The following MEF2D variants were observed in gnomAD, a reference collection of about 807,000 sequenced individuals.
MEF2D encodes myocyte enhancer factor 2D.
Under a neutral mutation model 59.3 loss-of-function variants are expected in MEF2D, and 10 were observed. The ratio of observed to expected loss-of-function variants is 0.17; its 90% CI spans 0.10 to 0.29. The LOEUF is 0.29. Among genes scored for constraint, MEF2D ranks in the 10% least tolerant of loss-of-function variants. The pLI is 1.00. For synonymous variants in MEF2D, 305 were observed against 295.0 expected, an observed-to-expected ratio of 1.03 and a Z score of -0.35; for missense variants, 508 against 699.4, an observed-to-expected ratio of 0.73 and a Z score of 3.09.
In MEF2D at chr1:156,463,953, AG is replaced by A. The variant is rs1410639942; in HGVS notation, c.*3691del. 6.6e-6 allele frequency: 1 copy of A among 152,670 alleles called. No individual in the cohort carries two copies. Among genetic ancestry groups the A allele is most frequent in the African/African-American group, 2.4e-5 (1 of 41,452 alleles). The allele number at this position is 152,670 out of a possible 1,614,324, so 9.5% of individuals were successfully genotyped here. On this transcript the variant is annotated 3_prime_UTR_variant, in exon 12 of 12. Transcript: ENST00000348159. ...CCCAGGACCCAGGAAGAGCCCCAGG[AG>A]TGTGGGTGATTGTCAGGTGTGGGGG...
In MEF2D at chr1:156,483,388, A is replaced by G; in HGVS notation, c.-96T>C. The stretch of plus-strand genomic sequence containing the variant: ...CTGTGCTCATGAACGGTCTGGGAAC[A>G]GTGCTCAGTTCATGGTCTGCAGGAT... On this transcript the variant is annotated 5_prime_UTR_variant, in exon 2 of 12. Transcript: ENST00000348159. The G allele has an allele frequency of 1.7e-6, 2 of 1,184,498 alleles. No individual in the cohort carries two copies. The highest frequency in any genetic ancestry group is 2.5e-6 in the Non-Finnish European group (2 of 791,994). 73.4% of individuals were successfully genotyped at this position (1,184,498 alleles called of 1,614,324 possible). A position where few individuals can be genotyped will look rare whatever the true frequency, so the allele number is the denominator to read the frequency against.
At chr1:156,470,595 A>G (rs1671177248) in intron 9 of MEF2D, among the ~76,000 whole-genome samples, 2 of 152,086 alleles carry the variant, frequency 1.3e-5, no homozygotes, top group Admixed American at 6.6e-5. Context: ...GGAAGACAGT[A>G]TTATCTCTGC....
At chr1:156,473,741 T>G (rs544152221) in intron 9 of MEF2D, among the ~76,000 whole-genome samples, 1 of 152,314 alleles carries the variant, frequency 6.6e-6, no homozygotes, top group Admixed American at 6.5e-5. Context: ...AATTCTTCTA[T>G]CCAGAGACCT....
At chr1:156,488,132 G>A (rs1454073835) in intron 1 of MEF2D, among the ~76,000 whole-genome samples, 5 of 152,252 alleles carry the variant, frequency 3.3e-5, no homozygotes, top group Non-Finnish European at 5.9e-5. Context: ...ACCTGACTCC[G>A]TGGACAGGAC....
At chr1:156,471,191 C>T (rs919245029) in intron 9 of MEF2D, among the ~76,000 whole-genome samples, 1 of 152,038 alleles carries the variant, frequency 6.6e-6, no homozygotes, top group Admixed American at 6.6e-5. Context: ...GAGTAGCTGG[C>T]GTGATCTCGG....
chr1:156,477,064 G>T lies in MEF2D; in HGVS notation c.803C>A (p.Pro268His). ...STQLGAPSRK[P>H]DLRVITSQAG... ...CTGGGAAGTGATGACTCGCAGGTCG[G>T]GCTTGCGGCTGGGGGCTCCAAGCTG... Residue 268 changes from proline (P) to histidine (H), a missense_variant, in exon 7 of 12, where the codon CCC becomes CAC. Pro to His is a moderately conservative substitution (Grantham distance 77). This residue lies in a region of MEF2D where 481 missense variants were observed against 584.7 expected (regional missense o/e 0.82). Coordinates refer to ENST00000348159, the MANE Select transcript of MEF2D (RefSeq NM_005920.4). 1 of 1,613,914 alleles carries T rather than the reference G, an allele frequency of 6.2e-7. No homozygotes were observed. Among genetic ancestry groups the T allele is most frequent in the South Asian group, 1.1e-5 (1 of 91,076 alleles).
intron 3 of MEF2D, among the ~76,000 whole-genome samples, chr1:156,481,177 G>A (rs556740699): frequency 1.3e-5 from 2 of 152,194 alleles, no homozygotes; most frequent in Non-Finnish European, 1.5e-5. Flanking sequence ...GGAGCTGTCG[G>A]AACACAGAGA....
chr1:156,476,505 G>T lies in MEF2D; in HGVS notation c.865C>A (p.His289Asn). Residue 289 changes from histidine (H) to asparagine (N), a missense_variant, in exon 8 of 12, where the codon CAT becomes AAT. Coordinates refer to ENST00000348159, the MANE Select transcript of MEF2D (RefSeq NM_005920.4). ...ACAGCCTCACTTACCAGATCTAAAT[G>T]GTCCTCAGTCTGAGAGCAGAAATAA... ...KGLMHHLTED[H>N]LDLNNAQRLG... is the part of the protein sequence containing the mutation. 1 of 1,611,980 alleles carries T rather than the reference G, an allele frequency of 6.2e-7. No homozygotes were observed. Among genetic ancestry groups the T allele is most frequent in the Non-Finnish European group, 8.5e-7 (1 of 1,179,144 alleles).
intron 1 of MEF2D, among the ~76,000 whole-genome samples, chr1:156,491,579 C>A (rs1672797383): frequency 6.6e-6 from 1 of 152,234 alleles, no homozygotes. Flanking sequence ...GTGGGGCACA[C>A]AAGGCCCTTG....
At chr1:156,472,292 T>C (rs1671279095) in intron 9 of MEF2D, among the ~76,000 whole-genome samples, 2 of 152,146 alleles carry the variant, frequency 1.3e-5, no homozygotes, top group Non-Finnish European at 2.9e-5. Context: ...CCACTCCTCT[T>C]ACAGATGGGG....
chr1:156,482,644 C>T lies in MEF2D; in HGVS notation c.55-4G>A. 6.2e-7 allele frequency: 1 copy of T among 1,614,168 alleles called. No homozygotes were observed. The highest frequency in any genetic ancestry group is 8.5e-7 in the Non-Finnish European group (1 of 1,179,992). ...ACTTCCGCTTGGTGAAAGTCACCTG[C>T]AGAGAAGGATGGGTGGGCGGCCAGA... On this transcript the variant is annotated splice_polypyrimidine_tract_variant and splice_region_variant and intron_variant, in intron 2 of 11. Transcript: ENST00000348159.
chr1:156,492,726 G>C (rs1040380987), intron 1 of MEF2D, among the ~76,000 whole-genome samples: 1 of 152,190 alleles, frequency 6.6e-6, no homozygotes, highest in Non-Finnish European at 1.5e-5. Flanking sequence ...GGTTGGGACG[G>C]TTAGTGTGTC....
In MEF2D at chr1:156,482,482, C is replaced by T. The variant is rs755879779; in HGVS notation, c.213G>A (p.Glu71=). 8 of 1,614,220 alleles carry T rather than the reference C, an allele frequency of 5.0e-6. No homozygotes were observed. The highest frequency in any genetic ancestry group is 6.8e-6 in the Non-Finnish European group (8 of 1,180,034). Residue 71 remains glutamate (E), a synonymous_variant, in exon 3 of 12, where the codon GAG becomes GAA. Coordinates refer to ENST00000348159, the MANE Select transcript of MEF2D (RefSeq NM_005920.4). ...DMDKVLLKYT[E]YNEPHESRTN... ...TGCGGCTCTCGTGTGGCTCATTGTACTCCGTGTACTTGAGCAGCACCTTGT... is the reference window on the plus strand; with the variant it reads ...TGCGGCTCTCGTGTGGCTCATTGTATTCCGTGTACTTGAGCAGCACCTTGT...
chr1:156,479,546 C>T (rs1252394691), intron 5 of MEF2D, 40 bp downstream of exon 5: 1 of 1,547,144 alleles, frequency 6.5e-7, no homozygotes, highest in Non-Finnish European at 8.7e-7. Context: ...CCCATCACAT[C>T]TCATTTCCAC....
At chr1:156,476,608 G>A (rs1671622399) in intron 7 of MEF2D, 94 bp from the exon 8 acceptor site, 1 of 1,487,588 alleles carries the variant, frequency 6.7e-7, no homozygotes, top group Non-Finnish European at 9.2e-7. Flanking sequence ...TCACCTCTCT[G>A]CATAAGAGTA....
In MEF2D at chr1:156,465,811, C is replaced by G. The variant is rs1670804205; in HGVS notation, c.*1834G>C. ...TCTGCTTCTGGTTCCTTCCCTGCAT[C>G]AAGTATGGGAATACTGCAAGAGGCT... is the stretch of plus-strand genomic sequence containing the variant. On this transcript the variant is annotated 3_prime_UTR_variant, in exon 12 of 12. Transcript: ENST00000348159. 1 of 152,206 alleles carries G rather than the reference C, an allele frequency of 6.6e-6. No individual in the cohort carries two copies. The highest frequency in any genetic ancestry group is 6.5e-5 in the Admixed American group (1 of 15,284). 9.4% of individuals were successfully genotyped at this position (152,206 alleles called of 1,614,324 possible).
Position 156,483,344 on chromosome 1 carries a change from G to T in MEF2D, c.-52C>A, listed in dbSNP as rs1557888816. On this transcript the variant is annotated 5_prime_UTR_variant, in exon 2 of 12. Coordinates refer to ENST00000348159, the MANE Select transcript of MEF2D (RefSeq NM_005920.4). Reference sequence around the variant, plus strand: ...GAGGGGAGGGGCTCGCTGGGTGGTGGGTCTCGGCACACCTTACACTGTGCT... The same window carrying T: ...GAGGGGAGGGGCTCGCTGGGTGGTGTGTCTCGGCACACCTTACACTGTGCT... The T allele has an allele frequency of 1.3e-6, 2 of 1,545,158 alleles. No homozygotes were observed. Among genetic ancestry groups the T allele is most frequent in the Non-Finnish European group, 1.8e-6 (2 of 1,117,220 alleles).
At chr1:156,499,784 G>C (rs1414606182) in intron 1 of MEF2D, among the ~76,000 whole-genome samples, 1 of 152,060 alleles carries the variant, frequency 6.6e-6, no homozygotes, top group Non-Finnish European at 1.5e-5. Flanking sequence ...CCACATCAGG[G>C]GTCTCGGAAG....
chr1:156,482,389 G>T, intron 3 of MEF2D, 48 bp downstream of exon 3: 1 of 1,603,600 alleles, frequency 6.2e-7, no homozygotes, highest in Non-Finnish European at 8.5e-7. Flanking sequence ...ACGTGTCCAT[G>T]TGGATGCAGG....
Sources: allele counts gnomAD v4.1 joint callset (sites outside exome capture counted in the v4.1 genomes callset), GRCh38; gene constraint gnomAD v4.1.1; regional missense constraint gnomAD v4.1.1; transcripts MANE v1.5; gene names NCBI Gene and HGNC (gene_info 2026-07-23, HGNC 2026-07-21).